MIPOL1: variants seen among roughly 807,000 people sequenced by gnomAD.
MIPOL1 encodes mirror-image polydactyly gene 1 protein.
Under a neutral mutation model 60.9 loss-of-function variants are expected in MIPOL1, and 57 were observed. That is an observed-to-expected ratio of 0.94 (90% CI 0.76 to 1.17). The LOEUF is 1.17. Among genes scored for constraint, MIPOL1 ranks in the 50% most tolerant of loss-of-function variants. The probability of loss-of-function intolerance (pLI) is 0.00; values close to 1 mark genes in which losing one functional copy is unlikely to be tolerated. For synonymous variants in MIPOL1, 179 were observed against 168.8 expected, an observed-to-expected ratio of 1.06 and a Z score of -0.47; for missense variants, 551 against 511.6, an observed-to-expected ratio of 1.08 and a Z score of -0.74.
intron 3 of MIPOL1, among the ~76,000 whole-genome samples, chr14:37,261,924 G>A (rs955476099): frequency 2.0e-5 from 3 of 152,066 alleles, no homozygotes; most frequent in Admixed American, 6.6e-5. Context: ...TGCTTGGAAG[G>A]TCTAAATATA....
At chr14:37,523,276 G>C (rs1365023272) in intron 12 of MIPOL1, among the ~76,000 whole-genome samples, 2 of 152,050 alleles carry the variant, frequency 1.3e-5, no homozygotes, top group Non-Finnish European at 2.9e-5. Context: ...TTTTGTGATG[G>C]ATTTTGTCCG....
At chr14:37,420,693 T>G (rs973344832) in intron 10 of MIPOL1, among the ~76,000 whole-genome samples, 27 of 152,062 alleles carry the variant, frequency 1.8e-4, no homozygotes, top group African/African-American at 6.0e-4. Flanking sequence ...AGGAAGCAGA[T>G]CTGGATCTGT....
At chr14:37,349,338 C>G (rs1181130594) in intron 9 of MIPOL1, among the ~76,000 whole-genome samples, 1 of 152,112 alleles carries the variant, frequency 6.6e-6, no homozygotes, top group Non-Finnish European at 1.5e-5. Context: ...TAATGTCAAA[C>G]AAATTATGTG....
At chr14:37,306,369 T>C (rs1478361613) in intron 7 of MIPOL1, among the ~76,000 whole-genome samples, 1 of 151,904 alleles carries the variant, frequency 6.6e-6, no homozygotes, top group Non-Finnish European at 1.5e-5. Flanking sequence ...TTTATAACCT[T>C]GGTAACTAAA....
At chr14:37,269,608 G>A (rs1223830097) in intron 5 of MIPOL1, among the ~76,000 whole-genome samples, 1 of 152,034 alleles carries the variant, frequency 6.6e-6, no homozygotes, top group Non-Finnish European at 1.5e-5. Context: ...TTATGAGTCA[G>A]GTGTCAGTGT....
At position 37,221,207 on chromosome 14, in the gene MIPOL1, A is replaced by G. The variant is rs147244001; in HGVS notation, c.-199+23103A>G. 1.7e-4 allele frequency among the ~76,000 whole-genome samples: 26 copies of G among 152,254 alleles called. No homozygotes were observed. In the East Asian group the frequency reaches 5.0e-3, roughly 29 times the overall value. On this transcript the variant is annotated intron_variant, in intron 1 of 12. Transcript: ENST00000684589. Reference sequence around the variant, plus strand: ...GGTAACTGATCATGAGCAGAAACTTATTTGACTTATGGTTCTGGAGACTGG... The same window carrying G: ...GGTAACTGATCATGAGCAGAAACTTGTTTGACTTATGGTTCTGGAGACTGG...
chr14:37,430,730 CA>C (rs1255274843), intron 11 of MIPOL1, among the ~76,000 whole-genome samples: 1 of 151,960 alleles, frequency 6.6e-6, no homozygotes, highest in African/African-American at 2.4e-5. Flanking sequence ...AAGCACTGTG[CA>C]AAGGAGATAT....
intron 6 of MIPOL1, among the ~76,000 whole-genome samples, chr14:37,285,077 A>G (rs2084438316): frequency 6.6e-6 from 1 of 152,210 alleles, no homozygotes; most frequent in Admixed American, 6.5e-5. Flanking sequence ...CAGGCTTACA[A>G]CATTTGCTAT....
chr14:37,260,308 A>G (rs1168990016), intron 3 of MIPOL1, among the ~76,000 whole-genome samples: 2 of 151,944 alleles, frequency 1.3e-5, no homozygotes, highest in African/African-American at 2.4e-5. Context: ...ATTTCATTGA[A>G]TGAAAGACCT....
intron 10 of MIPOL1, among the ~76,000 whole-genome samples, chr14:37,394,057 CAT>C (rs56361320): frequency 0.085 from 6,205 of 73,240 alleles, 974 homozygotes; most frequent in African/African-American, 0.25. Context: ...TTAGTAGTGG[CAT>C]ATATATATAT....
chr14:37,323,456 C>T (rs192013379), intron 9 of MIPOL1, among the ~76,000 whole-genome samples: 12 of 151,986 alleles, frequency 7.9e-5, no homozygotes, highest in African/African-American at 1.9e-4. Context: ...CTTGGCTATA[C>T]GGGCTTTTTT....
intron 9 of MIPOL1, among the ~76,000 whole-genome samples, chr14:37,363,053 A>G (rs2092335176): frequency 6.6e-6 from 1 of 152,172 alleles, no homozygotes; most frequent in South Asian, 2.1e-4. Flanking sequence ...ATGGGTTAGA[A>G]CATGCTTCTT....
At position 37,521,553 on chromosome 14, in the gene MIPOL1, A is replaced by G. The variant is rs985879279; in HGVS notation, c.1262+21415A>G. On this transcript the variant is annotated intron_variant, in intron 12 of 12. Coordinates refer to ENST00000684589, the MANE Select transcript of MIPOL1 (RefSeq NM_001388067.1). ...ACTTTCTGCTTGCTTTACTTCTTCA[A>G]TGGCTATTAGCGATGGAAATTAAAC... is the stretch of plus-strand genomic sequence containing the variant. 1.1e-3 allele frequency among the ~76,000 whole-genome samples: 168 copies of G among 152,140 alleles called. 1 individual carries two copies. Among genetic ancestry groups the G allele is most frequent in the African/African-American group, 3.8e-3 (157 of 41,540 alleles).
At chr14:37,263,133 A>T (rs1184829788) in intron 3 of MIPOL1, among the ~76,000 whole-genome samples, 1 of 152,208 alleles carries the variant, frequency 6.6e-6, no homozygotes, top group East Asian at 1.9e-4. Context: ...CTTTCCTAGA[A>T]TAGGCAATGG....
intron 9 of MIPOL1, among the ~76,000 whole-genome samples, chr14:37,363,102 C>T (rs984983126): frequency 2.0e-5 from 3 of 152,144 alleles, no homozygotes; most frequent in Non-Finnish European, 4.4e-5. Context: ...CTTCTGAAGC[C>T]TACTTCTGTC....
chr14:37,214,335 A>G (rs1967216125), intron 1 of MIPOL1, among the ~76,000 whole-genome samples: 1 of 152,198 alleles, frequency 6.6e-6, no homozygotes, highest in Non-Finnish European at 1.5e-5. Flanking sequence ...AGGTAGATGA[A>G]GTTAAGGCAT....
rs34932209 is a variant in MIPOL1 at position 37,428,661 on chromosome 14, CTT to C, written c.1031+5728_1031+5729del. Among the ~76,000 whole-genome samples, 486 of 122,280 alleles carry C rather than the reference CTT, an allele frequency of 4.0e-3. 1 individual carries two copies. Among genetic ancestry groups the C allele is most frequent in the African/African-American group, 0.011 (363 of 32,214 alleles). The allele number at this position is 122,280 out of a possible 152,430, so 80.2% of individuals were successfully genotyped here. ...AAAAAGTGGGTTTTTTTCCAAAAAT[CTT>C]TTTTTTTTTTTTTTTCTGGTTTAGT... On this transcript the variant is annotated intron_variant, in intron 11 of 12. Transcript: ENST00000684589.
intron 3 of MIPOL1, among the ~76,000 whole-genome samples, chr14:37,252,972 A>G (rs949658293): frequency 4.6e-5 from 7 of 151,870 alleles, no homozygotes; most frequent in Non-Finnish European, 8.8e-5. Context: ...GTAGAAAAAA[A>G]GCTATTTCCT....
chr14:37,341,585 T>C (rs745697009), intron 9 of MIPOL1, among the ~76,000 whole-genome samples: 12 of 152,298 alleles, frequency 7.9e-5, no homozygotes, highest in Middle Eastern at 6.8e-3. Flanking sequence ...TATCTCTGTT[T>C]GTTCAAAGTT....
Sources: gnomAD v4.1 joint callset for allele counts (sites outside exome capture counted in the v4.1 genomes callset) on GRCh38, gnomAD v4.1.1 for gene constraint, MANE v1.5 for transcripts, NCBI Gene and HGNC (gene_info 2026-07-23, HGNC 2026-07-21) for gene names.